The following ITFG1 variants were observed in gnomAD, a reference collection of about 807,000 sequenced individuals.
ITFG1 encodes integrin alpha FG-GAP repeat containing 1, also known as T-cell immunomodulatory protein.
Under a neutral mutation model 81.8 loss-of-function variants are expected in ITFG1, and 34 were observed. The ratio of observed to expected loss-of-function variants is 0.42; its 90% CI spans 0.32 to 0.55. The LOEUF (loss-of-function observed/expected upper bound fraction) is 0.55, where lower values mean the gene tolerates loss of function less well. ITFG1 is among the 20% of genes least tolerant of loss of function. The probability of loss-of-function intolerance (pLI) is 0.17; values close to 1 mark genes in which losing one functional copy is unlikely to be tolerated. For missense variants in ITFG1, 672 were observed against 755.4 expected (o/e 0.89, Z 1.29); for synonymous variants, 285 against 270.6 (o/e 1.05, Z -0.52).
intron 14 of ITFG1, among the ~76,000 whole-genome samples, chr16:47,211,815 G>C (rs1031063341): frequency 1.3e-5 from 2 of 152,126 alleles, no homozygotes; most frequent in East Asian, 3.8e-4. Context: ...TACACTAATA[G>C]ATTTTTTAAT....
intron 14 of ITFG1, among the ~76,000 whole-genome samples, chr16:47,179,958 T>A (rs777508580): frequency 4.6e-5 from 7 of 152,230 alleles, no homozygotes; most frequent in Non-Finnish European, 8.8e-5. Flanking sequence ...TCCTTTGGCA[T>A]ATTTTGAATT....
At chr16:47,460,108 T>C (rs2151621748) in intron 1 of ITFG1, among the ~76,000 whole-genome samples, 1 of 152,304 alleles carries the variant, frequency 6.6e-6, no homozygotes, top group African/African-American at 2.4e-5. Flanking sequence ...CAAGAACAAG[T>C]TAGCAAAGAA....
At chr16:47,372,632 T>A (rs996794912) in intron 7 of ITFG1, among the ~76,000 whole-genome samples, 76 of 152,114 alleles carry the variant, frequency 5.0e-4, no homozygotes, top group Non-Finnish European at 5.6e-4. Flanking sequence ...TTTTGTATTT[T>A]TAGTAGAGAT....
intron 14 of ITFG1, among the ~76,000 whole-genome samples, chr16:47,211,400 T>C (rs900245069): frequency 6.6e-6 from 1 of 152,228 alleles, no homozygotes; most frequent in African/African-American, 2.4e-5. Context: ...ACTTCTTGGT[T>C]GCAGCAGTTT....
At chr16:47,260,229 G>A (rs536058833) in intron 11 of ITFG1, among the ~76,000 whole-genome samples, 14 of 152,186 alleles carry the variant, frequency 9.2e-5, no homozygotes, top group African/African-American at 2.4e-4. Context: ...GAGCCACCGC[G>A]CCCGGCCTGT....
intron 8 of ITFG1, among the ~76,000 whole-genome samples, chr16:47,319,404 G>C (rs1288230041): frequency 3.0e-4 from 46 of 152,150 alleles, no homozygotes; most frequent in Admixed American, 3.0e-3. Flanking sequence ...TACCGAAGCT[G>C]GAATAACAGT....
In ITFG1 at chr16:47,314,460, A is replaced by G. The variant is rs1298365049; in HGVS notation, c.803-637T>C. On this transcript the variant is annotated intron_variant, in intron 8 of 17. Coordinates refer to ENST00000320640, the MANE Select transcript of ITFG1 (RefSeq NM_030790.5). ...GCCCTCAACACTCTGGCTTCTTAAA[A>G]GTACCAATAAATTTTTATCAATGAA... is the stretch of plus-strand genomic sequence containing the variant. Among the ~76,000 whole-genome samples, 5 of 152,210 alleles carry G rather than the reference A, an allele frequency of 3.3e-5. No individual in the cohort carries two copies. In the East Asian group the frequency reaches 9.6e-4, roughly 29 times the overall value.
chr16:47,337,149 A>G (rs1567465355), intron 8 of ITFG1, among the ~76,000 whole-genome samples: 1 of 151,210 alleles, frequency 6.6e-6, no homozygotes. Context: ...AAAAAAAAAA[A>G]AAAAGAAAAA....
At chr16:47,388,269 CAA>C (rs1174278799) in intron 6 of ITFG1, among the ~76,000 whole-genome samples, 1 of 151,868 alleles carries the variant, frequency 6.6e-6, no homozygotes, top group East Asian at 1.9e-4. Context: ...AGAGAGAAGA[CAA>C]AGAAAAATTT....
chr16:47,169,374 A>G (rs755675399), intron 14 of ITFG1, among the ~76,000 whole-genome samples: 1 of 152,022 alleles, frequency 6.6e-6, no homozygotes, highest in Non-Finnish European at 1.5e-5. Context: ...TCTCTCAGCA[A>G]TGTTTTTTAG....
rs962967964 is a variant in ITFG1, at chr16:47,396,229, A to C, written c.656-20289T>G. On this transcript the variant is annotated intron_variant, in intron 6 of 17. Coordinates refer to ENST00000320640, the MANE Select transcript of ITFG1 (RefSeq NM_030790.5). Reference sequence around the variant, plus strand: ...AGAGCAAATACATTGTTAAATGCCAAAATGGAGTAGGTACAGCTGTTAGCT... The same window carrying C: ...AGAGCAAATACATTGTTAAATGCCACAATGGAGTAGGTACAGCTGTTAGCT... The C allele has an allele frequency of 3.3e-6, 3 of 911,072 alleles. No homozygotes were observed. In the African/African-American group the frequency reaches 5.4e-5, roughly 16 times the overall value. 56.4% of individuals were successfully genotyped at this position (911,072 alleles called of 1,614,324 possible).
Position 47,273,355 on chromosome 16 carries a change from A to G in ITFG1, c.1071-12660T>C, listed in dbSNP as rs148479743. ...ATTAGGAATCCTCTAAAAATTAAAC[A>G]TTAAAAAAATGATGCTCTGAAACCC... is the stretch of plus-strand genomic sequence containing the variant. On this transcript the variant is annotated intron_variant, in intron 10 of 17. Coordinates refer to ENST00000320640, the MANE Select transcript of ITFG1 (RefSeq NM_030790.5). Among the ~76,000 whole-genome samples the G allele has an allele frequency of 7.1e-3, 1,082 of 152,312 alleles. 16 individuals are homozygous for G. Among genetic ancestry groups the G allele is most frequent in the African/African-American group, 0.025 (1,037 of 41,540 alleles).
intron 6 of ITFG1, among the ~76,000 whole-genome samples, chr16:47,427,556 G>A (rs1465509499): frequency 6.6e-6 from 1 of 152,182 alleles, no homozygotes; most frequent in African/African-American, 2.4e-5. Context: ...TACTTGGGAG[G>A]CGGAGGTTGC....
chr16:47,383,741 C>T lies in ITFG1; in HGVS notation c.656-7801G>A, dbSNP rs538636365. On this transcript the variant is annotated intron_variant, in intron 6 of 17. Coordinates refer to ENST00000320640, the MANE Select transcript of ITFG1 (RefSeq NM_030790.5). ...CCAACATGGTGAAATCCCGTCTCTA[C>T]TAAATACAAAAAATTAGCTGGGCAT... Among the ~76,000 whole-genome samples the T allele has an allele frequency of 1.9e-4, 29 of 152,272 alleles. No individual in the cohort carries two copies. The East Asian group carries it at 5.4e-3, about 28-fold the overall frequency.
chr16:47,383,819 G>C (rs757345878), intron 6 of ITFG1, among the ~76,000 whole-genome samples: 10 of 152,226 alleles, frequency 6.6e-5, no homozygotes, highest in Non-Finnish European at 1.3e-4. Flanking sequence ...CAGGAGAATT[G>C]CTTGAATCCA....
chr16:47,351,478 A>C (rs567685562), intron 8 of ITFG1, among the ~76,000 whole-genome samples: 31 of 152,270 alleles, frequency 2.0e-4, no homozygotes, highest in African/African-American at 5.5e-4. Context: ...CAAAGAGAAT[A>C]AAATACCTAG....
chr16:47,275,197 T>C (rs1966384560), intron 10 of ITFG1, among the ~76,000 whole-genome samples: 2 of 152,098 alleles, frequency 1.3e-5, no homozygotes, highest in South Asian at 4.1e-4. Flanking sequence ...TTCTACTCTG[T>C]TTAGCTGACA....
At chr16:47,381,575 T>C (rs918870043) in intron 6 of ITFG1, among the ~76,000 whole-genome samples, 2 of 152,198 alleles carry the variant, frequency 1.3e-5, no homozygotes, top group Non-Finnish European at 2.9e-5. Context: ...TAACTTATAC[T>C]GTTTCTATGC....
chr16:47,320,535 C>G (rs1279215291), intron 8 of ITFG1, among the ~76,000 whole-genome samples: 2 of 152,094 alleles, frequency 1.3e-5, no homozygotes, highest in Non-Finnish European at 2.9e-5. Context: ...CTGTTCCACA[C>G]CAATTACTGA....
Sources: allele counts gnomAD v4.1 joint callset (sites outside exome capture counted in the v4.1 genomes callset), GRCh38; gene constraint gnomAD v4.1.1; transcripts MANE v1.5; gene names NCBI Gene and HGNC (gene_info 2026-07-23, HGNC 2026-07-21).